Variants in EFTUD2 observed in about 807,000 individuals in gnomAD.
The protein encoded by EFTUD2 is 116 kDa U5 small nuclear ribonucleoprotein component.
In EFTUD2, 9 loss-of-function variants were observed where a neutral mutation model predicts 114.3. That is an observed-to-expected ratio of 0.08 (90% CI 0.05 to 0.14). EFTUD2 has a LOEUF of 0.14. Among genes scored for constraint, EFTUD2 ranks in the 10% least tolerant of loss-of-function variants. The pLI is 1.00. For synonymous variants in EFTUD2, 449 were observed against 462.3 expected (o/e 0.97, Z 0.37); for missense variants, 765 against 1,241.2 (o/e 0.62, Z 5.76).
Position 44,880,657 on chromosome 17 carries a change from A to G in EFTUD2, c.529-13T>C. On this transcript the variant is annotated splice_polypyrimidine_tract_variant and intron_variant, in intron 7 of 27. Transcript: ENST00000426333. ...TGCCTACACCTCTCTGAAAGGAACA[A>G]AGAGTGGTCAAGACCTCTTCCTATG... 1 of 1,608,992 alleles carries G rather than the reference A, an allele frequency of 6.2e-7. No homozygotes were observed. The highest frequency in any genetic ancestry group is 2.2e-5 in the East Asian group (1 of 44,808).
chr17:44,857,753 A>G (rs1397559128), intron 19 of EFTUD2: 3 of 154,386 alleles, frequency 1.9e-5, no homozygotes, highest in Non-Finnish European at 4.3e-5. Flanking sequence ...GAGGGGCTAC[A>G]TCAAGGCTTG....
Position 44,854,700 on chromosome 17 carries a change from C to T in EFTUD2, c.2133-18G>A. The T allele has an allele frequency of 6.2e-7, 1 of 1,608,550 alleles. No homozygotes were observed. The highest frequency in any genetic ancestry group is 8.5e-7 in the Non-Finnish European group (1 of 1,176,428). On this transcript the variant is annotated intron_variant, in intron 21 of 27. Transcript: ENST00000426333. The surrounding 1 kb of genome is among the most constrained non-coding windows in gnomAD (Gnocchi z 4.3). The stretch of plus-strand genomic sequence containing the variant: ...GCTTCTTCCTGGGGAAGGGAGGAGA[C>T]AATGGAGCTGTCAGCCAGCTCTGTG...
chr17:44,875,624 T>C (rs959915009), intron 10 of EFTUD2: 9 of 189,386 alleles, frequency 4.8e-5, no homozygotes, highest in South Asian at 1.8e-4. Context: ...GGTGGGAGGA[T>C]TGCTTGAGCC....
intron 4 of EFTUD2, chr17:44,884,315 AC>A (rs2145551101): frequency 6.6e-6 from 1 of 152,072 alleles, no homozygotes; most frequent in Non-Finnish European, 1.5e-5. Flanking sequence ...GAGCCACCAC[AC>A]CCAGCCAGGA....
Position 44,872,447 on chromosome 17 carries a change from A to G in EFTUD2, c.993T>C (p.Phe331=). The G allele has an allele frequency of 6.2e-7, 1 of 1,612,352 alleles. No individual in the cohort carries two copies. The highest frequency in any genetic ancestry group is 8.5e-7 in the Non-Finnish European group (1 of 1,178,884). Residue 331 remains phenylalanine, a splice_region_variant and synonymous_variant, in exon 11 of 28, where the codon TTT becomes TTC. Coordinates refer to ENST00000426333, the MANE Select transcript of EFTUD2 (RefSeq NM_004247.4). ...GACAGACTGCCAGCCAGCGCTTACC[A>G]AAGGTGTCGGCATAGATCTTGGCAA... is the stretch of plus-strand genomic sequence containing the variant. ...GSFAKIYADT[F]GDINYQEFAK... is the part of the protein sequence containing the mutation.
chr17:44,865,233 G>A (rs2145479008), intron 13 of EFTUD2, 168 bp from the exon 14 acceptor site: 4 of 912,820 alleles, frequency 4.4e-6, no homozygotes, highest in African/African-American at 1.7e-5. Context: ...CGGCATCTCT[G>A]CTACCTACCC....
At chr17:44,864,818 T>C (rs2050716552) in intron 14 of EFTUD2, 112 bp downstream of exon 14, 2 of 1,495,996 alleles carry the variant, frequency 1.3e-6, no homozygotes, top group Non-Finnish European at 1.8e-6. Context: ...TGTGGTTTGT[T>C]GAAAAGATCC....
At chr17:44,860,695 G>C (rs762530130) in intron 16 of EFTUD2, 152 bp from the exon 17 acceptor site, 49 of 597,518 alleles carry the variant, frequency 8.2e-5, no homozygotes, top group Non-Finnish European at 1.3e-4. Flanking sequence ...AACTTCCAAG[G>C]TTCCAGTGAT....
chr17:44,891,645 T>C (rs34854300), intron 2 of EFTUD2, among the ~76,000 whole-genome samples: 18,755 of 152,174 alleles, frequency 0.12, 1,239 homozygotes, highest in East Asian at 0.24. Context: ...CCACTAAGTG[T>C]TTAGCCCATT....
chr17:44,863,999 G>T (rs1329465969), intron 14 of EFTUD2: 5 of 492,362 alleles, frequency 1.0e-5, no homozygotes, highest in Non-Finnish European at 1.4e-5. Context: ...CAAGCAGCAG[G>T]TATCAGTGGT....
intron 13 of EFTUD2, among the ~76,000 whole-genome samples, chr17:44,866,544 A>G (rs992982924): frequency 5.3e-5 from 8 of 151,946 alleles, no homozygotes; most frequent in Non-Finnish European, 1.2e-4. Flanking sequence ...ACGCCTGGCT[A>G]ATTTTTGTAT....
chr17:44,876,826 C>A (rs925814530), intron 9 of EFTUD2, among the ~76,000 whole-genome samples: 3 of 124,090 alleles, frequency 2.4e-5, no homozygotes, highest in Admixed American at 9.9e-5. Context: ...GCACTCCAGC[C>A]TGCTGGGCGA....
chr17:44,889,120 AAG>A (rs2051230876), intron 2 of EFTUD2, among the ~76,000 whole-genome samples: 1 of 152,072 alleles, frequency 6.6e-6, no homozygotes, highest in South Asian at 2.1e-4. Flanking sequence ...AAGCCAAAGG[AAG>A]AGAGTATTTT....
At chr17:44,886,543 G>C in intron 3 of EFTUD2, 42 bp downstream of exon 3, 1 of 1,601,340 alleles carries the variant, frequency 6.2e-7, no homozygotes, top group Non-Finnish European at 8.5e-7. Context: ...AAGTTTCCAG[G>C]TTTCAATTTC....
At position 44,851,054 on chromosome 17, in the gene EFTUD2, T is replaced by C; in HGVS notation, c.*220A>G. 2.0e-6 allele frequency: 1 copy of C among 505,858 alleles called. No individual in the cohort carries two copies. The highest frequency in any genetic ancestry group is 5.4e-4 in the Middle Eastern group (1 of 1,862). 31.3% of individuals were successfully genotyped at this position (505,858 alleles called of 1,614,324 possible). A position where few individuals can be genotyped will look rare whatever the true frequency, so the allele number is the denominator to read the frequency against. ...TGAGCCCAAGCTCCTCTCTTTTCCT[T>C]GGGAATGGAGCCCGGCAGAGGCCAC... On this transcript the variant is annotated 3_prime_UTR_variant, in exon 28 of 28. Transcript: ENST00000426333.
chr17:44,882,263 T>G (rs938536813), intron 6 of EFTUD2, among the ~76,000 whole-genome samples: 20 of 151,992 alleles, frequency 1.3e-4, no homozygotes, highest in Non-Finnish European at 2.5e-4. Context: ...TGATTTTGTC[T>G]TTTTTTGAGA....
At chr17:44,884,211 C>G (rs550678821) in intron 4 of EFTUD2, 1 of 152,254 alleles carries the variant, frequency 6.6e-6, no homozygotes, top group Non-Finnish European at 1.4e-5. Flanking sequence ...TCAGCAGAGA[C>G]GGGGTTTCAC....
At chr17:44,885,656 G>C (rs1490928549) in intron 3 of EFTUD2, among the ~76,000 whole-genome samples, 2 of 152,138 alleles carry the variant, frequency 1.3e-5, no homozygotes, top group African/African-American at 4.8e-5. Flanking sequence ...CTTTCCAAAA[G>C]ATCAATGAAA....
Position 44,850,475 on chromosome 17 carries a change from AATC to A in EFTUD2, c.*796_*798del, listed in dbSNP as rs1391270754. ...TTCCTAATAAAGCAGTTTTGAGGAA[AATC>A]AACAGACTCTTTTTCACTGGGGGAG... On this transcript the variant is annotated 3_prime_UTR_variant, in exon 28 of 28. Transcript: ENST00000426333. 9.5e-7 allele frequency: 1 copy of A among 1,055,694 alleles called. No individual in the cohort carries two copies. Among genetic ancestry groups the A allele is most frequent in the Non-Finnish European group, 1.4e-6 (1 of 690,110 alleles). 65.4% of individuals were successfully genotyped at this position (1,055,694 alleles called of 1,614,324 possible).
Sources: gnomAD v4.1 joint callset for allele counts (sites outside exome capture counted in the v4.1 genomes callset) on GRCh38, gnomAD v4.1.1 for gene constraint, Gnocchi (gnomAD v3.1) non-coding constraint, MANE v1.5 for transcripts, NCBI Gene and HGNC (gene_info 2026-07-23, HGNC 2026-07-21) for gene names.